The following USP48 variants were observed in gnomAD, a reference collection of about 807,000 sequenced individuals.
USP48 encodes the protein ubiquitin carboxyl-terminal hydrolase 48.
USP48 carries 43 observed loss-of-function variants against 150.7 expected under a neutral mutation model. That is an observed-to-expected ratio of 0.29 (90% CI 0.22 to 0.37). USP48 has a LOEUF of 0.37. USP48 is among the 10% of genes least tolerant of loss of function. The probability of loss-of-function intolerance (pLI) is 1.00; values close to 1 mark genes in which losing one functional copy is unlikely to be tolerated. For synonymous variants in USP48, 396 were observed against 425.9 expected (o/e 0.93, Z 0.86); for missense variants, 813 against 1,249.6 (o/e 0.65, Z 5.27).
At position 21,723,920 on chromosome 1, in the gene USP48, A is replaced by G; in HGVS notation, c.1626T>C (p.Tyr542=). 1.9e-6 allele frequency: 3 copies of G among 1,614,104 alleles called. No homozygotes were observed. The highest frequency in any genetic ancestry group is 2.5e-6 in the Non-Finnish European group (3 of 1,179,970). Residue 542 remains tyrosine, a synonymous_variant, in exon 12 of 27, where the codon TAT becomes TAC. Coordinates refer to ENST00000308271, the MANE Select transcript of USP48 (RefSeq NM_032236.8). ...EYAADIFYSR[Y]GGGPRLTVKA... ...TACCAGTTAGTCTTGGACCTCCTCC[A>G]TATCTACTATAGAAAATGTCAGCTG... is the stretch of plus-strand genomic sequence containing the variant.
chr1:21,749,392 C>T (rs2097803288), intron 6 of USP48, among the ~76,000 whole-genome samples: 1 of 152,076 alleles, frequency 6.6e-6, no homozygotes, highest in South Asian at 2.1e-4. Context: ...TATCCAGCCA[C>T]GACTTCTTCC....
chr1:21,720,653 G>A (rs184605494), intron 14 of USP48, among the ~76,000 whole-genome samples: 3 of 151,832 alleles, frequency 2.0e-5, no homozygotes, highest in Non-Finnish European at 4.4e-5. Context: ...TCAGCCTCCC[G>A]AGTAGCTGGG....
At chr1:21,782,765 G>A in intron 1 of USP48, 59 bp downstream of exon 1, 4 of 1,480,104 alleles carry the variant, frequency 2.7e-6, no homozygotes, top group Non-Finnish European at 3.6e-6. Flanking sequence ...CCCCTACCCC[G>A]CCCGGGCTTT....
intron 9 of USP48, chr1:21,732,927 T>TA (rs1308474117): frequency 6.4e-6 from 1 of 155,208 alleles, no homozygotes; most frequent in African/African-American, 2.4e-5. Context: ...TGAAATTTGT[T>TA]AGATTTTAAA....
At chr1:21,729,397 T>C (rs2097750414) in intron 10 of USP48, among the ~76,000 whole-genome samples, 2 of 152,154 alleles carry the variant, frequency 1.3e-5, no homozygotes. Context: ...TTTTATATTA[T>C]GAAGTCTAGA....
intron 6 of USP48, among the ~76,000 whole-genome samples, chr1:21,750,755 G>A (rs1338331271): frequency 6.6e-6 from 1 of 151,862 alleles, no homozygotes; most frequent in African/African-American, 2.4e-5. Context: ...GGTGGCCCGC[G>A]CCTATAATCC....
chr1:21,757,825 G>A, intron 1 of USP48, 42 bp from the exon 2 acceptor site: 1 of 1,544,232 alleles, frequency 6.5e-7, no homozygotes, highest in Non-Finnish European at 8.7e-7. Context: ...AAAGACCATA[G>A]TTTCATGAGA....
At chr1:21,713,020 T>C (rs936511711) in intron 15 of USP48, among the ~76,000 whole-genome samples, 2 of 152,138 alleles carry the variant, frequency 1.3e-5, no homozygotes, top group Admixed American at 6.5e-5. Flanking sequence ...AACCCTTGTA[T>C]ACAATTTCTT....
At chr1:21,730,155 C>T (rs1275910616) in intron 9 of USP48, among the ~76,000 whole-genome samples, 3 of 152,114 alleles carry the variant, frequency 2.0e-5, no homozygotes, top group African/African-American at 7.2e-5. Flanking sequence ...CAAAAATTAA[C>T]TGAAGCCGGG....
chr1:21,715,523 A>C, intron 14 of USP48, 66 bp from the exon 15 acceptor site: 1 of 1,032,148 alleles, frequency 9.7e-7, no homozygotes. Flanking sequence ...AAAGTAGCAG[A>C]TATACTACTC....
chr1:21,681,438 T>C (rs547118285), intron 25 of USP48, among the ~76,000 whole-genome samples: 3 of 152,034 alleles, frequency 2.0e-5, no homozygotes, highest in African/African-American at 7.3e-5. Flanking sequence ...ATTTTTGTAT[T>C]TGTAGTAGAG....
rs1290290617 is a variant in USP48 at position 21,747,101 on chromosome 1, T to C, written c.957A>G (p.Glu319=). The C allele has an allele frequency of 6.2e-7, 1 of 1,612,036 alleles. No homozygotes were observed. The highest frequency in any genetic ancestry group is 8.5e-7 in the Non-Finnish European group (1 of 1,179,704). ...CCACATAAGGCTCCATATCCAAAAT[T>C]TCTGAGAAGCCAATGTAGGTATTCA... The part of the protein sequence containing the change: ...KKLNTYIGFS[E]ILDMEPYVEH... The change falls in exon 8 of 27, where the codon GAA becomes GAG. Residue 319 remains glutamate (E), a synonymous_variant. Transcript: ENST00000308271.
intron 8 of USP48, among the ~76,000 whole-genome samples, chr1:21,743,739 C>A (rs770112167): frequency 6.6e-6 from 1 of 152,138 alleles, no homozygotes; most frequent in Non-Finnish European, 1.5e-5. Flanking sequence ...AAATATTTTT[C>A]TTTCTTGATC....
intron 1 of USP48, among the ~76,000 whole-genome samples, chr1:21,766,517 A>T (rs1158018704): frequency 2.0e-5 from 3 of 151,820 alleles, no homozygotes; most frequent in Non-Finnish European, 4.4e-5. Context: ...ATCTCCAATG[A>T]TCTGTCATTT....
At chr1:21,741,478 C>T (rs2097781491) in intron 8 of USP48, among the ~76,000 whole-genome samples, 1 of 152,070 alleles carries the variant, frequency 6.6e-6, no homozygotes, top group Non-Finnish European at 1.5e-5. Context: ...CACTTTCAGA[C>T]AATAATATGT....
At chr1:21,757,621 A>T (rs2097840212) in intron 2 of USP48, 42 bp downstream of exon 2, 1 of 1,583,018 alleles carries the variant, frequency 6.3e-7, no homozygotes, top group South Asian at 1.2e-5. Context: ...AAACAAAAAC[A>T]AAAAACAGCA....
chr1:21,774,473 G>C (rs182419201), intron 1 of USP48, among the ~76,000 whole-genome samples: 1 of 151,990 alleles, frequency 6.6e-6, no homozygotes, highest in African/African-American at 2.4e-5. Context: ...CAGATCGCGA[G>C]GTCAGGAGAT....
chr1:21,748,158 T>C lies in USP48; in HGVS notation c.888A>G (p.Leu296=). ...TTTACCTGTCAAAGACAAAACGCAT[T>C]AGCTGCAAGTTCAGAGTGCAAGGAA... The part of the protein sequence containing the change: ...LSLPCTLNLQ[L]MRFVFDRQTG... Residue 296 remains leucine (L), a synonymous_variant, in exon 7 of 27, where the codon CTA becomes CTG. Transcript: ENST00000308271. The C allele has an allele frequency of 1.2e-6, 2 of 1,613,476 alleles. No homozygotes were observed. Among genetic ancestry groups the C allele is most frequent in the Non-Finnish European group, 1.7e-6 (2 of 1,179,810 alleles).
At chr1:21,747,046 A>T in intron 8 of USP48, 21 bp downstream of exon 8, 1 of 1,557,440 alleles carries the variant, frequency 6.4e-7, no homozygotes, top group Non-Finnish European at 8.8e-7. Context: ...TATAATGTTT[A>T]CTCCTCAGTA....
Sources: allele counts gnomAD v4.1 joint callset (sites outside exome capture counted in the v4.1 genomes callset), GRCh38; gene constraint gnomAD v4.1.1; transcripts MANE v1.5; gene names NCBI Gene and HGNC (gene_info 2026-07-23, HGNC 2026-07-21).